Variants in UNC79 observed in about 807,000 individuals in gnomAD.
The protein encoded by UNC79 is protein unc-79 homolog.
Under a neutral mutation model 283.1 loss-of-function variants are expected in UNC79, and 37 were observed. The observed-to-expected ratio is 0.13, with a 90% CI of 0.10 to 0.17. UNC79 has a LOEUF of 0.17. Among genes scored for constraint, UNC79 ranks in the 10% least tolerant of loss-of-function variants. The pLI is 1.00. For synonymous variants in UNC79, 1,107 were observed against 1,200.2 expected (o/e 0.92, Z 1.61); for missense variants, 2,272 against 3,211.1 (o/e 0.71, Z 7.07).
intron 1 of UNC79, among the ~76,000 whole-genome samples, chr14:93,391,157 T>C (rs980997282): frequency 2.0e-5 from 3 of 152,044 alleles, no homozygotes; most frequent in African/African-American, 7.2e-5. Flanking sequence ...AGCCAAGATA[T>C]GAACACTTGA....
intron 1 of UNC79, among the ~76,000 whole-genome samples, chr14:93,404,279 A>G (rs2140034656): frequency 6.6e-6 from 1 of 150,544 alleles, no homozygotes; most frequent in African/African-American, 2.4e-5. Flanking sequence ...CATTTCATTT[A>G]AAAAATGTGA....
At chr14:93,686,631 G>A (rs1566924016) in exon 43 of UNC79, 6 of 1,614,146 alleles carry the variant, frequency 3.7e-6, no homozygotes, top group Non-Finnish European at 5.1e-6. Flanking sequence ...TGGATTTCAT[G>A]GCAGACATGC....
chr14:93,461,604 T>A (rs1008729487), intron 1 of UNC79, among the ~76,000 whole-genome samples: 115 of 152,334 alleles, frequency 7.5e-4, no homozygotes, highest in South Asian at 2.1e-4. Context: ...CCTTCCTGCC[T>A]TGTCTACTTT....
chr14:93,534,377 T>C (rs1219109799), intron 11 of UNC79, among the ~76,000 whole-genome samples: 2 of 152,218 alleles, frequency 1.3e-5, no homozygotes, highest in African/African-American at 2.4e-5. Context: ...TCTCTTTTCA[T>C]TTAGAACTGC....
chr14:93,691,712 G>A (rs768530996), intron 45 of UNC79, 37 bp from the exon 49 acceptor site: 17 of 1,609,664 alleles, frequency 1.1e-5, no homozygotes, highest in Non-Finnish European at 1.4e-5. Context: ...CAGCCTGCTG[G>A]GATGCAATGC....
intron 2 of UNC79, among the ~76,000 whole-genome samples, chr14:93,469,381 A>G (rs532785996): frequency 6.6e-6 from 1 of 152,264 alleles, no homozygotes; most frequent in South Asian, 2.1e-4. Context: ...GCTAATGGTA[A>G]TAGTAACAAT....
exon 18 of UNC79, chr14:93,577,998 G>C (rs762616072): frequency 6.2e-7 from 1 of 1,614,214 alleles, no homozygotes; most frequent in Non-Finnish European, 8.5e-7. Flanking sequence ...TATTGACTTT[G>C]ATTGTGAAGA....
chr14:93,548,328 A>G (rs2061705952), intron 14 of UNC79, among the ~76,000 whole-genome samples: 1 of 152,160 alleles, frequency 6.6e-6, no homozygotes, highest in Non-Finnish European at 1.5e-5. Flanking sequence ...TGTTCTCATG[A>G]TCTAGTCACC....
rs778815634 is a variant in UNC79 at position 93,653,871 on chromosome 14, G to A, written c.6196+17G>A. On this transcript the variant is annotated intron_variant, in intron 36 of 48. Coordinates refer to ENST00000555664, the Ensembl canonical transcript of UNC79. Reference sequence around the variant, plus strand: ...CGATCAAAGGTAATTCATCCACTGAGGATCCAGGCACCACAAATTTGCCTC... The same window carrying A: ...CGATCAAAGGTAATTCATCCACTGAAGATCCAGGCACCACAAATTTGCCTC... The A allele has an allele frequency of 3.1e-6, 5 of 1,613,974 alleles. No homozygotes were observed. The African/African-American group carries it at 4.0e-5, about 13-fold the overall frequency.
chr14:93,702,535 A>G (rs1351870206), intron 47 of UNC79, among the ~76,000 whole-genome samples: 3 of 152,250 alleles, frequency 2.0e-5, no homozygotes, highest in African/African-American at 7.2e-5. Context: ...AAAAACAGGG[A>G]GAGAAATGCA....
intron 35 of UNC79, among the ~76,000 whole-genome samples, chr14:93,648,459 A>G (rs2069874348): frequency 6.6e-6 from 1 of 152,102 alleles, no homozygotes; most frequent in African/African-American, 2.4e-5. Context: ...TTAAGGATAT[A>G]TTTAGGAAAT....
At position 93,395,065 on chromosome 14, in the gene UNC79, T is replaced by G. The variant is rs563587237; in HGVS notation, c.-351+61542T>G. On this transcript the variant is annotated intron_variant, in intron 1 of 49. Coordinates refer to the UNC79 transcript ENST00000256339. ...GAGTTACAAACAAAAAACACATTTT[T>G]ATTGTCTTTTATATTTATCTATGTA... Among the ~76,000 whole-genome samples, 34 of 152,328 alleles carry G rather than the reference T, an allele frequency of 2.2e-4. 1 individual carries two copies. The South Asian group carries it at 7.0e-3, about 32-fold the overall frequency.
intron 7 of UNC79, among the ~76,000 whole-genome samples, chr14:93,499,976 A>G (rs1245189972): frequency 2.6e-5 from 4 of 152,126 alleles, no homozygotes; most frequent in Admixed American, 6.5e-5. Context: ...ATGTAGCCAG[A>G]CATTGGAGTG....
At chr14:93,684,517 ATATT>A (rs1489616120) in intron 42 of UNC79, among the ~76,000 whole-genome samples, 3 of 151,976 alleles carry the variant, frequency 2.0e-5, no homozygotes, top group Admixed American at 1.3e-4. Flanking sequence ...GTTTCAAATA[ATATT>A]TAATTAATTG....
intron 5 of UNC79, among the ~76,000 whole-genome samples, chr14:93,491,255 G>A (rs2058709671): frequency 6.6e-6 from 1 of 151,984 alleles, no homozygotes; most frequent in Admixed American, 6.6e-5. Flanking sequence ...CATTCAGTCT[G>A]TAGCATTCTT....
exon 17 of UNC79, chr14:93,575,103 A>C: frequency 6.2e-7 from 1 of 1,613,838 alleles, no homozygotes; most frequent in Non-Finnish European, 8.5e-7. Context: ...ACTACTAATA[A>C]GTATGTTTTC....
chr14:93,605,855 T>C (rs2065851577), intron 26 of UNC79, among the ~76,000 whole-genome samples: 1 of 152,140 alleles, frequency 6.6e-6, no homozygotes, highest in African/African-American at 2.4e-5. Flanking sequence ...AGACAGCAGA[T>C]GGTGGCCAAA....
Position 93,688,822 on chromosome 14 carries a change from C to A in UNC79, c.7067C>A (p.Pro2356His). The A allele has an allele frequency of 1.2e-6, 2 of 1,613,832 alleles. No individual in the cohort carries two copies. The highest frequency in any genetic ancestry group is 2.2e-5 in the South Asian group (2 of 91,020). ...TATCTGCCTTGGCTTTATCATCCCC[C>A]CTCTGCAATGCAGCAAGGGTAAGAC... The change falls in exon 44 of 49, where the codon CCC (proline) becomes CAC (histidine). Residue 2356 changes from proline (P) to histidine (H), a missense_variant. This residue lies in a region of UNC79 where 225 missense variants were observed against 334.2 expected (regional missense o/e 0.67). Coordinates refer to ENST00000555664, the Ensembl canonical transcript of UNC79. This position sits in a 1 kb window ranked among gnomAD's most constrained non-coding sequence, Gnocchi z 4.0.
intron 48 of UNC79, among the ~76,000 whole-genome samples, chr14:93,705,202 G>A (rs1457353141): frequency 5.9e-5 from 9 of 151,894 alleles, no homozygotes; most frequent in Admixed American, 1.3e-4. Context: ...CTGCCACTGC[G>A]CTCCAGCTTA....
Sources: gnomAD v4.1 joint callset for allele counts (sites outside exome capture counted in the v4.1 genomes callset) on GRCh38, gnomAD v4.1.1 for gene constraint, gnomAD v4.1.1 regional missense constraint, Gnocchi (gnomAD v3.1) non-coding constraint, MANE v1.5 for transcripts, NCBI Gene and HGNC (gene_info 2026-07-23, HGNC 2026-07-21) for gene names.